Variants in TPR observed in about 807,000 individuals in gnomAD.
The protein encoded by TPR is nucleoprotein TPR.
TPR carries 51 observed loss-of-function variants against 316.1 expected under a neutral mutation model. The ratio of observed to expected loss-of-function variants is 0.16; its 90% CI spans 0.13 to 0.20. The LOEUF (loss-of-function observed/expected upper bound fraction) is 0.20, where lower values mean the gene tolerates loss of function less well. Ranked by LOEUF, TPR falls within the 10% of genes least tolerant of loss-of-function variation. TPR has a pLI of 1.00. For missense variants in TPR, 2,272 were observed against 2,754.8 expected (o/e 0.82, Z 3.92); for synonymous variants, 981 against 914.7 (o/e 1.07, Z -1.31).
At chr1:186,344,244 G>A in intron 25 of TPR, 131 bp downstream of exon 25, 1 of 1,341,486 alleles carries the variant, frequency 7.5e-7, no homozygotes, top group Non-Finnish European at 1.0e-6. Flanking sequence ...AGATTGCAGT[G>A]ACCCCAATAT....
At chr1:186,332,726 T>C (rs1007294702) in intron 37 of TPR, among the ~76,000 whole-genome samples, 1 of 152,146 alleles carries the variant, frequency 6.6e-6, no homozygotes, top group Admixed American at 6.6e-5. Flanking sequence ...ACACTGTATG[T>C]AAATCAGTAT....
chr1:186,336,289 A>AAT (rs1401542848), intron 33 of TPR, among the ~76,000 whole-genome samples: 1 of 152,162 alleles, frequency 6.6e-6, no homozygotes, highest in Non-Finnish European at 1.5e-5. Context: ...AATTGAGAAA[A>AAT]ATTTCATCAT....
intron 21 of TPR, among the ~76,000 whole-genome samples, chr1:186,349,685 T>A (rs113019508): frequency 0.18 from 27,255 of 148,932 alleles, 2,880 homozygotes; most frequent in African/African-American, 0.28. Context: ...AATAAATAAA[T>A]AAATAAAACC....
At chr1:186,363,286 A>C in intron 5 of TPR, 56 bp downstream of exon 5, 1 of 1,376,456 alleles carries the variant, frequency 7.3e-7, no homozygotes, top group South Asian at 1.3e-5. Context: ...AATTTAATTT[A>C]GGTGAGTTTT....
At chr1:186,346,313 T>A in intron 22 of TPR, 26 bp from the exon 23 acceptor site, 1 of 1,582,488 alleles carries the variant, frequency 6.3e-7, no homozygotes, top group Non-Finnish European at 8.6e-7. Flanking sequence ...AACAGTAGGA[T>A]ATAAAAATTA....
chr1:186,313,690 A>T lies in TPR; in HGVS notation c.*281T>A. On this transcript the variant is annotated 3_prime_UTR_variant, in exon 51 of 51. Transcript: ENST00000367478. ...TTTCTCTTCCATTTAGATCAATACT[A>T]TAACATTGATGTGCCTAGTAGAACA... The T allele has an allele frequency of 6.3e-7, 1 of 1,596,012 alleles. No individual in the cohort carries two copies. Among genetic ancestry groups the T allele is most frequent in the Non-Finnish European group, 8.6e-7 (1 of 1,163,686 alleles).
chr1:186,368,912 C>T (rs1347604526), intron 3 of TPR, among the ~76,000 whole-genome samples: 1 of 152,130 alleles, frequency 6.6e-6, no homozygotes, highest in East Asian at 1.9e-4. Flanking sequence ...TCCATCTTGG[C>T]TTGATTTCGG....
intron 27 of TPR, chr1:186,342,044 A>G (rs896046978): frequency 2.7e-5 from 4 of 147,920 alleles, no homozygotes; most frequent in African/African-American, 1.0e-4. Context: ...ATCTCGGCTC[A>G]CTGCAAGCTC....
intron 39 of TPR, among the ~76,000 whole-genome samples, chr1:186,329,055 C>G (rs1658079217): frequency 6.6e-6 from 1 of 152,076 alleles, no homozygotes; most frequent in African/African-American, 2.4e-5. Context: ...GAAAAAGCAA[C>G]ACTTGAAAAG....
At chr1:186,371,704 A>G (rs905244992) in intron 2 of TPR, among the ~76,000 whole-genome samples, 3 of 152,216 alleles carry the variant, frequency 2.0e-5, no homozygotes, top group Admixed American at 6.5e-5. Context: ...CAATTTAATA[A>G]GCAAATACAT....
rs1177914753 is a variant in TPR at position 186,331,513 on chromosome 1, T to C, written c.5673A>G (p.Gln1891=). The stretch of plus-strand genomic sequence containing the variant: ...TTTTACTTACTTCTCCAATGGAATC[T>C]TGAGAATCCTGGTTGTATACCTGAG... ...VETQVYNQDS[Q]DSIGEGVTQG... is the part of the protein sequence containing the mutation. Residue 1891 remains glutamine, a synonymous_variant, in exon 39 of 51, where the codon CAA becomes CAG. Transcript: ENST00000367478. 1.9e-6 allele frequency: 3 copies of C among 1,608,120 alleles called. No homozygotes were observed. Among genetic ancestry groups the C allele is most frequent in the Non-Finnish European group, 2.5e-6 (3 of 1,177,132 alleles).
chr1:186,363,882 A>C (rs1016309347), intron 4 of TPR, among the ~76,000 whole-genome samples: 2 of 152,170 alleles, frequency 1.3e-5, no homozygotes, highest in African/African-American at 4.8e-5. Context: ...AAATATAAGC[A>C]AATATAAATA....
intron 29 of TPR, among the ~76,000 whole-genome samples, chr1:186,340,689 C>T (rs1377566239): frequency 6.6e-6 from 1 of 151,996 alleles, no homozygotes; most frequent in East Asian, 1.9e-4. Context: ...TCTTGGCTTC[C>T]GAAAGTGCTG....
intron 24 of TPR, 74 bp downstream of exon 24, chr1:186,345,506 T>C (rs2102077345): frequency 8.4e-7 from 1 of 1,195,910 alleles, no homozygotes; most frequent in Non-Finnish European, 1.2e-6. Context: ...CACCAGTTCT[T>C]ATAATGCATA....
intron 36 of TPR, 93 bp downstream of exon 36, chr1:186,334,232 T>C (rs1311569346): frequency 7.8e-7 from 1 of 1,274,832 alleles, no homozygotes. Flanking sequence ...ACTTCAGCTG[T>C]AGTGGATGCT....
intron 29 of TPR, among the ~76,000 whole-genome samples, chr1:186,340,473 C>G (rs1396602270): frequency 6.6e-6 from 1 of 151,890 alleles, no homozygotes; most frequent in Non-Finnish European, 1.5e-5. Context: ...CCTCTCTCAC[C>G]CAGGCTAGCA....
chr1:186,335,644 A>G (rs760070090), intron 33 of TPR, 101 bp from the exon 34 acceptor site: 5 of 868,650 alleles, frequency 5.8e-6, no homozygotes, highest in Middle Eastern at 3.4e-4. Flanking sequence ...TTCTACTACT[A>G]TAACATCTAC....
At chr1:186,326,262 TAAAA>T (rs1347112666) in intron 40 of TPR, 27 bp from the exon 41 acceptor site, 3 of 1,583,170 alleles carry the variant, frequency 1.9e-6, no homozygotes, top group Middle Eastern at 3.3e-4. Flanking sequence ...CAGGCATAAA[TAAAA>T]GTTTAGAATA....
rs778422641 is a variant in TPR at position 186,318,584 on chromosome 1, G to A, written c.6684C>T (p.Ser2228=). ...CATGTTCCGAAGCATCAGAGGTGGT[G>A]CTCTCAGTAAATACAGTCACTTTAA... ...VAAPVTVFTE[S]TTSDASEHAS... Residue 2228 remains serine (S), a synonymous_variant, in exon 48 of 51, where the codon AGC becomes AGT. Transcript: ENST00000367478. The A allele has an allele frequency of 1.2e-6, 2 of 1,612,066 alleles. No homozygotes were observed. Among genetic ancestry groups the A allele is most frequent in the South Asian group, 2.2e-5 (2 of 90,380 alleles).
Sources: gnomAD v4.1 joint callset for allele counts (sites outside exome capture counted in the v4.1 genomes callset) on GRCh38, gnomAD v4.1.1 for gene constraint, MANE v1.5 for transcripts, NCBI Gene and HGNC (gene_info 2026-07-23, HGNC 2026-07-21) for gene names.